CCDC102B: variants seen among roughly 807,000 people sequenced by gnomAD.
CCDC102B encodes coiled-coil domain-containing protein 102B.
Under a neutral mutation model 57.4 loss-of-function variants are expected in CCDC102B, and 75 were observed. The observed-to-expected ratio is 1.31, with a 90% CI of 1.08 to 1.58. The LOEUF is 1.58. CCDC102B is among the 40% of genes most tolerant of loss of function. CCDC102B has a pLI of 0.00. For synonymous variants in CCDC102B, 206 were observed against 201.9 expected (o/e 1.02, Z -0.17); for missense variants, 636 against 582.6 (o/e 1.09, Z -0.94).
At chr18:68,809,357 G>A (rs8088037) in intron 1 of CCDC102B, among the ~76,000 whole-genome samples, 19,577 of 152,060 alleles carry the variant, frequency 0.13, 1,348 homozygotes, top group East Asian at 0.3. Context: ...GATAATTCAG[G>A]AACATTAGAG....
chr18:68,911,352 C>T (rs1311421201), intron 6 of CCDC102B, among the ~76,000 whole-genome samples: 1 of 152,118 alleles, frequency 6.6e-6, no homozygotes, highest in African/African-American at 2.4e-5. Flanking sequence ...CCAAATAAAG[C>T]ATGTTCTCAC....
At chr18:68,863,220 TTAA>T in intron 4 of CCDC102B, among the ~76,000 whole-genome samples, 1 of 151,882 alleles carries the variant, frequency 6.6e-6, no homozygotes, top group South Asian at 2.1e-4. Context: ...TTTTTCTCTT[TTAA>T]TAATTTATTC....
chr18:68,850,872 G>A (rs774852344), intron 4 of CCDC102B, among the ~76,000 whole-genome samples: 9 of 151,624 alleles, frequency 5.9e-5, no homozygotes, highest in Admixed American at 5.3e-4. Flanking sequence ...CACACCTTTC[G>A]ATTAACCTCA....
chr18:68,905,054 T>C (rs2040577183), intron 6 of CCDC102B, among the ~76,000 whole-genome samples: 1 of 151,684 alleles, frequency 6.6e-6, no homozygotes, highest in Non-Finnish European at 1.5e-5. Flanking sequence ...TTTTCAACTC[T>C]TATACTTTTA....
chr18:68,753,390 C>A lies in CCDC102B; in HGVS notation c.-67+36796C>A, dbSNP rs147145246. On this transcript the variant is annotated intron_variant, in intron 2 of 3. Coordinates refer to the CCDC102B transcript ENST00000578970. Reference sequence around the variant, plus strand: ...TGATCTCTTATGAAAACTTAGATATCTCCAGTCTTGGGGATAAAGATATGA... The same window carrying A: ...TGATCTCTTATGAAAACTTAGATATATCCAGTCTTGGGGATAAAGATATGA... 144 of 152,200 alleles carry A rather than the reference C, an allele frequency of 9.5e-4. 1 individual carries two copies. The highest frequency in any genetic ancestry group is 3.3e-3 in the African/African-American group (135 of 41,518). The allele number at this position is 152,200 out of a possible 1,614,324, so 9.4% of individuals were successfully genotyped here. A position where few individuals can be genotyped will look rare whatever the true frequency, so the allele number is the denominator to read the frequency against.
In CCDC102B at chr18:69,054,630, T is replaced by G. The variant is rs2052785058; in HGVS notation, c.*493T>G. 1 of 979,890 alleles carries G rather than the reference T, an allele frequency of 1.0e-6. No individual in the cohort carries two copies. The highest frequency in any genetic ancestry group is 1.7e-5 in the African/African-American group (1 of 57,216). The allele number at this position is 979,890 out of a possible 1,614,324, so 60.7% of individuals were successfully genotyped here. On this transcript the variant is annotated 3_prime_UTR_variant, in exon 8 of 8. Transcript: ENST00000360242. ...CATTCTAGAGGTGTAACAATACATT[T>G]CTTATATAATTTTATAAGTCATTTC...
At chr18:68,948,969 A>C (rs1036306228) in intron 6 of CCDC102B, among the ~76,000 whole-genome samples, 5 of 152,134 alleles carry the variant, frequency 3.3e-5, no homozygotes, top group African/African-American at 1.2e-4. Context: ...CTTGAGGAGC[A>C]AGGAGAGCCA....
chr18:68,858,722 G>C (rs555581946), intron 4 of CCDC102B, among the ~76,000 whole-genome samples: 1 of 152,226 alleles, frequency 6.6e-6, no homozygotes, highest in African/African-American at 2.4e-5. Flanking sequence ...GGCACCCATT[G>C]AAGTGAGATT....
intron 6 of CCDC102B, among the ~76,000 whole-genome samples, chr18:68,970,945 A>G (rs2050286321): frequency 6.6e-6 from 1 of 151,984 alleles, no homozygotes; most frequent in African/African-American, 2.4e-5. Context: ...ATTGTGCAGT[A>G]TATATGTATA....
chr18:69,025,030 A>G (rs2051946059), intron 7 of CCDC102B, among the ~76,000 whole-genome samples: 1 of 152,132 alleles, frequency 6.6e-6, no homozygotes. Context: ...AAGGGAATAA[A>G]ATAAATATAA....
chr18:68,918,202 T>C (rs1047698186), intron 6 of CCDC102B, among the ~76,000 whole-genome samples: 8 of 152,222 alleles, frequency 5.3e-5, no homozygotes, highest in Non-Finnish European at 1.0e-4. Context: ...AAATCTCAAC[T>C]TTATCAAGGC....
intron 2 of CCDC102B, among the ~76,000 whole-genome samples, chr18:68,741,713 A>ACC (rs1555696158): frequency 1.1e-4 from 11 of 97,676 alleles, no homozygotes; most frequent in African/African-American, 4.7e-4. Context: ...ACACACACAC[A>ACC]CCCCAAGACA....
chr18:69,055,915 T>G (rs529562005), downstream of CCDC102B, among the ~76,000 whole-genome samples: 1 of 152,222 alleles, frequency 6.6e-6, no homozygotes, highest in African/African-American at 2.4e-5. Flanking sequence ...TTCTCTTTTC[T>G]ATTCTAGAGT....
At chr18:69,033,378 C>T (rs2145449467) in intron 7 of CCDC102B, among the ~76,000 whole-genome samples, 1 of 152,234 alleles carries the variant, frequency 6.6e-6, no homozygotes, top group Non-Finnish European at 1.5e-5. Flanking sequence ...ACAATCACTA[C>T]AATCTAATTT....
chr18:68,886,697 T>G (rs1397467275), intron 5 of CCDC102B, among the ~76,000 whole-genome samples: 1 of 152,162 alleles, frequency 6.6e-6, no homozygotes, highest in South Asian at 2.1e-4. Context: ...GTAACCATTT[T>G]GATTGTCAAA....
intron 4 of CCDC102B, among the ~76,000 whole-genome samples, chr18:68,874,206 GTGTGTGTA>G (rs778254200): frequency 0.041 from 3,203 of 77,996 alleles, 39 homozygotes; most frequent in Non-Finnish European, 0.055. Context: ...GTGTGTGTGT[GTGTGTGTA>G]TATATATATA....
At chr18:68,771,015 G>A (rs2034622056) in intron 2 of CCDC102B, among the ~76,000 whole-genome samples, 1 of 152,218 alleles carries the variant, frequency 6.6e-6, no homozygotes, top group African/African-American at 2.4e-5. Flanking sequence ...TGGTTCTGCA[G>A]GGACCTAGAT....
chr18:68,752,555 C>T (rs1199577580), intron 2 of CCDC102B, among the ~76,000 whole-genome samples: 1 of 150,574 alleles, frequency 6.6e-6, no homozygotes, highest in African/African-American at 2.4e-5. Flanking sequence ...TCCTTGTTCA[C>T]ATCCCCTGCC....
chr18:68,863,083 A>T (rs2038829155), intron 4 of CCDC102B, among the ~76,000 whole-genome samples: 1 of 151,848 alleles, frequency 6.6e-6, no homozygotes, highest in South Asian at 2.1e-4. Flanking sequence ...TTTTCAATTT[A>T]CTAAGAAATA....
Sources: gnomAD v4.1 joint callset for allele counts (sites outside exome capture counted in the v4.1 genomes callset) on GRCh38, gnomAD v4.1.1 for gene constraint, MANE v1.5 for transcripts, NCBI Gene and HGNC (gene_info 2026-07-23, HGNC 2026-07-21) for gene names.